The following PTGR1 variants were observed in gnomAD, a reference collection of about 807,000 sequenced individuals.
PTGR1 encodes prostaglandin reductase 1, also known as 15-oxoprostaglandin 13-reductase.
PTGR1 carries 23 observed loss-of-function variants against 37.7 expected under a neutral mutation model. That is an observed-to-expected ratio of 0.61 (90% CI 0.44 to 0.86). PTGR1 has a LOEUF of 0.86. Among genes scored for constraint, PTGR1 ranks in the 40% least tolerant of loss-of-function variants. The pLI, the probability that PTGR1 is intolerant of heterozygous loss-of-function variation, is 0.00. For missense variants in PTGR1, 351 were observed against 394.3 expected (o/e 0.89, Z 0.93); for synonymous variants, 134 against 140.0 (o/e 0.96, Z 0.30).
downstream of PTGR1, among the ~76,000 whole-genome samples, chr9:111,560,276 C>G (rs1354314486): frequency 6.6e-6 from 1 of 151,580 alleles, no homozygotes; most frequent in South Asian, 2.1e-4. Context: ...GTCAGGAGAT[C>G]GAGACCATCC....
rs182187991 is a variant in PTGR1 at position 111,562,997 on chromosome 9, T to C, written c.*124A>G. On this transcript the variant is annotated 3_prime_UTR_variant, in exon 10 of 10. Transcript: ENST00000407693. ...TACCACTTAAATGTATTTTATTAAG[T>C]AGCTCAAACTCATTATGAGTACTAT... 1.7e-5 allele frequency: 24 copies of C among 1,433,216 alleles called. No individual in the cohort carries two copies. In the East Asian group the frequency reaches 5.5e-4, roughly 33 times the overall value. 88.8% of individuals were successfully genotyped at this position (1,433,216 alleles called of 1,614,324 possible).
At chr9:111,596,441 CCGTCTCTACTAAAAATGCAAA>C (rs1367962397) in intron 2 of PTGR1, among the ~76,000 whole-genome samples, 2 of 151,780 alleles carry the variant, frequency 1.3e-5, no homozygotes, top group African/African-American at 4.8e-5. Flanking sequence ...ATGGGAAACC[CCGTCTCTACTAAAAATGCAAA>C]CATTAAGGCC....
intron 4 of PTGR1, among the ~76,000 whole-genome samples, chr9:111,586,996 G>T (rs1829452466): frequency 6.6e-6 from 1 of 151,924 alleles, no homozygotes; most frequent in African/African-American, 2.4e-5. Context: ...TGTATATTTA[G>T]TAGGGACAGG....
downstream of PTGR1, among the ~76,000 whole-genome samples, chr9:111,558,519 A>C (rs771589541): frequency 6.6e-5 from 10 of 152,202 alleles, no homozygotes; most frequent in Non-Finnish European, 1.3e-4. Context: ...TTAAAAAAAG[A>C]AAACTGAAAA....
downstream of PTGR1, among the ~76,000 whole-genome samples, chr9:111,560,960 TATATATATATATATAGAGAGAG>T (rs1270643476): frequency 2.3e-4 from 10 of 44,190 alleles, 1 homozygote; most frequent in East Asian, 1.2e-3. Flanking sequence ...TATATATATA[TATATATATATATATAGAGAGAG>T]AGAGAGAGAG....
At chr9:111,561,106 T>G (rs1388135317), downstream of PTGR1, among the ~76,000 whole-genome samples, 1,732 of 23,106 alleles carry the variant, frequency 0.075, 170 homozygotes, top group Non-Finnish European at 0.094. Context: ...TATATATATA[T>G]ATATAGAGAG....
intron 9 of PTGR1, among the ~76,000 whole-genome samples, chr9:111,555,394 T>C (rs1828092512): frequency 1.3e-5 from 2 of 152,174 alleles, no homozygotes; most frequent in African/African-American, 2.4e-5. Context: ...CCTAAATCTT[T>C]CCATATTTCA....
chr9:111,586,165 T>A lies in PTGR1; in HGVS notation c.210A>T (p.Lys70Asn), dbSNP rs1829423089. The change falls in exon 5 of 10, where the codon AAA (lysine) becomes AAT (asparagine). Residue 70 changes from lysine (K) to asparagine (N), a missense_variant and splice_region_variant. Physicochemically the swap from Lys to Asn is moderately conservative, Grantham distance 94. Coordinates refer to ENST00000407693, the MANE Select transcript of PTGR1 (RefSeq NM_001146108.2). Reference sequence around the variant, plus strand: ...GGGCTACATTTTTACTTTCCACAACTCTGAAAGATAAAGCACATTAAGGCA... The same window carrying A: ...GGGCTACATTTTTACTTTCCACAACACTGAAAGATAAAGCACATTAAGGCA... ...GDTMMGQQVA[K>N]VVESKNVALP... is the part of the protein sequence containing the mutation. 5.6e-6 allele frequency: 9 copies of A among 1,613,692 alleles called. No homozygotes were observed. Among genetic ancestry groups the A allele is most frequent in the Non-Finnish European group, 7.6e-6 (9 of 1,179,680 alleles).
intron 7 of PTGR1, among the ~76,000 whole-genome samples, chr9:111,575,172 G>A (rs1049300502): frequency 3.9e-5 from 6 of 152,054 alleles, no homozygotes; most frequent in Admixed American, 6.5e-5. Flanking sequence ...CATGGTGGTG[G>A]GCACCCATAA....
chr9:111,552,186 A>C (rs1246836767), intron 9 of PTGR1, among the ~76,000 whole-genome samples: 2 of 152,180 alleles, frequency 1.3e-5, no homozygotes, highest in East Asian at 3.9e-4. Context: ...TTTCAAGGAA[A>C]TCTTGAATTG....
Position 111,556,313 on chromosome 9 carries a change from G to C in PTGR1, c.880-6514C>G, listed in dbSNP as rs530247275. Among the ~76,000 whole-genome samples the C allele has an allele frequency of 2.0e-5, 3 of 152,374 alleles. No individual in the cohort carries two copies. In the East Asian group the frequency reaches 5.8e-4, roughly 29 times the overall value. On this transcript the variant is annotated intron_variant, in intron 9 of 9. Transcript: ENST00000538962. ...ATTCCCATGGCTGCTCTCAAGGCCT[G>C]TTGAGTGCCTGTGACTTTTCCAGGT... is the stretch of plus-strand genomic sequence containing the variant.
chr9:111,595,581 C>A (rs1346644572), intron 2 of PTGR1, among the ~76,000 whole-genome samples: 3 of 152,160 alleles, frequency 2.0e-5, no homozygotes, highest in Non-Finnish European at 4.4e-5. Flanking sequence ...TTGATTGCGT[C>A]CCCTTTTCTC....
chr9:111,590,479 C>T (rs372982138), intron 4 of PTGR1, among the ~76,000 whole-genome samples: 6 of 152,256 alleles, frequency 3.9e-5, no homozygotes, highest in African/African-American at 1.4e-4. Context: ...ATGCCTCAGC[C>T]TCCTGAATAG....
intron 7 of PTGR1, 109 bp from the exon 8 acceptor site, chr9:111,574,951 A>C: frequency 1.2e-6 from 1 of 831,064 alleles, no homozygotes. Flanking sequence ...CAGCAACAAA[A>C]CTGACTGAAT....
At chr9:111,573,891 G>A (rs1322956442) in intron 8 of PTGR1, among the ~76,000 whole-genome samples, 1 of 152,160 alleles carries the variant, frequency 6.6e-6, no homozygotes, top group Non-Finnish European at 1.5e-5. Context: ...GGGGAATGGA[G>A]CGCATGGCAG....
intron 9 of PTGR1, 92 bp from the exon 10 acceptor site, chr9:111,563,323 C>CTCT: frequency 8.0e-7 from 1 of 1,253,990 alleles, no homozygotes. Context: ...TCAGGTACAT[C>CTCT]ATTGGAAACC....
At chr9:111,587,596 C>T (rs7032106) in intron 4 of PTGR1, among the ~76,000 whole-genome samples, 57,491 of 151,564 alleles carry the variant, frequency 0.38, 11,597 homozygotes, top group African/African-American at 0.52. Flanking sequence ...GGAATACAGG[C>T]GCGTGCCACT....
At chr9:111,592,780 G>T in intron 4 of PTGR1, 146 bp downstream of exon 4, 3 of 1,145,192 alleles carry the variant, frequency 2.6e-6, no homozygotes, top group Non-Finnish European at 3.6e-6. Flanking sequence ...GAAGGAGACA[G>T]AATTTCCCAA....
intron 1 of PTGR1, among the ~76,000 whole-genome samples, chr9:111,599,166 C>T (rs1829866196): frequency 1.3e-5 from 2 of 152,138 alleles, no homozygotes; most frequent in Admixed American, 6.5e-5. Context: ...GGGGGCCTGG[C>T]GCGGCGCCCG....
Sources: allele counts gnomAD v4.1 joint callset (sites outside exome capture counted in the v4.1 genomes callset), GRCh38; gene constraint gnomAD v4.1.1; transcripts MANE v1.5; gene names NCBI Gene and HGNC (gene_info 2026-07-23, HGNC 2026-07-21).